Variants in LDLRAD3 observed in about 807,000 individuals in gnomAD.
LDLRAD3 encodes low-density lipoprotein receptor class A domain-containing protein 3.
In LDLRAD3, 20 loss-of-function variants were observed where a neutral mutation model predicts 29.4. That is an observed-to-expected ratio of 0.68 (90% CI 0.48 to 0.99). The LOEUF (loss-of-function observed/expected upper bound fraction) is 0.99, where lower values mean the gene tolerates loss of function less well. Ranked by LOEUF, LDLRAD3 falls within the 50% of genes least tolerant of loss-of-function variation. LDLRAD3 has a pLI of 0.00. For synonymous variants in LDLRAD3, 157 were observed against 192.7 expected (o/e 0.81, Z 1.53); for missense variants, 420 against 454.3 (o/e 0.92, Z 0.69).
At chr11:36,184,630 C>A (rs1400248249) in intron 4 of LDLRAD3, among the ~76,000 whole-genome samples, 1 of 152,156 alleles carries the variant, frequency 6.6e-6, no homozygotes, top group Admixed American at 6.5e-5. Flanking sequence ...CCATTTCAAA[C>A]CAAGTTTTTG....
At chr11:36,051,703 TA>T (rs1201737207) in intron 2 of LDLRAD3, among the ~76,000 whole-genome samples, 1 of 152,024 alleles carries the variant, frequency 6.6e-6, no homozygotes, top group East Asian at 1.9e-4. Flanking sequence ...TCGGAATGAA[TA>T]AAGGAGTACT....
At chr11:36,094,258 G>GC (rs1853325576) in intron 3 of LDLRAD3, among the ~76,000 whole-genome samples, 1 of 152,194 alleles carries the variant, frequency 6.6e-6, no homozygotes, top group African/African-American at 2.4e-5. Context: ...CTACAACACA[G>GC]CATCAGTTGA....
At chr11:36,000,874 C>T (rs1851815243) in intron 1 of LDLRAD3, among the ~76,000 whole-genome samples, 1 of 151,930 alleles carries the variant, frequency 6.6e-6, no homozygotes, top group Non-Finnish European at 1.5e-5. Context: ...GGGTTGAGAG[C>T]CAGAGGTGGG....
chr11:36,169,535 GA>G (rs899033300), intron 4 of LDLRAD3, among the ~76,000 whole-genome samples: 1 of 152,184 alleles, frequency 6.6e-6, no homozygotes, highest in African/African-American at 2.4e-5. Flanking sequence ...ATGTAAGTGA[GA>G]ACATGTAATA....
chr11:36,162,147 T>C (rs550976772), intron 4 of LDLRAD3, among the ~76,000 whole-genome samples: 1 of 152,334 alleles, frequency 6.6e-6, no homozygotes, highest in Admixed American at 6.5e-5. Flanking sequence ...GAACCAAATA[T>C]AAATTCCTGG....
At chr11:36,084,160 A>T (rs1436307954) in intron 3 of LDLRAD3, among the ~76,000 whole-genome samples, 1 of 152,180 alleles carries the variant, frequency 6.6e-6, no homozygotes, top group Admixed American at 6.5e-5. Context: ...CCTGGGCTCA[A>T]ACAATCCTCC....
chr11:36,048,387 C>T (rs979396860), intron 2 of LDLRAD3, among the ~76,000 whole-genome samples: 5 of 152,156 alleles, frequency 3.3e-5, no homozygotes, highest in African/African-American at 4.8e-5. Context: ...TTGACACCCC[C>T]ACCCCCTGCC....
chr11:35,945,255 G>A (rs896108438), intron 1 of LDLRAD3, among the ~76,000 whole-genome samples: 2 of 152,186 alleles, frequency 1.3e-5, no homozygotes, highest in Non-Finnish European at 2.9e-5. Flanking sequence ...TTGCTAAGTT[G>A]AGGCTCACTT....
chr11:35,956,334 C>G (rs1249084460), intron 1 of LDLRAD3, among the ~76,000 whole-genome samples: 1 of 152,100 alleles, frequency 6.6e-6, no homozygotes, highest in Non-Finnish European at 1.5e-5. Context: ...AAATAAAATT[C>G]AAAATAATTA....
At chr11:36,000,262 G>A (rs1851806911) in intron 1 of LDLRAD3, among the ~76,000 whole-genome samples, 1 of 148,678 alleles carries the variant, frequency 6.7e-6, no homozygotes, top group Non-Finnish European at 1.5e-5. Context: ...ACTATATAGT[G>A]TAATATATGT....
intron 4 of LDLRAD3, among the ~76,000 whole-genome samples, chr11:36,129,231 A>G (rs1219393031): frequency 6.6e-6 from 1 of 152,194 alleles, no homozygotes; most frequent in Non-Finnish European, 1.5e-5. Flanking sequence ...GAAGAACACT[A>G]TTAGCCCTTT....
chr11:36,037,802 G>A lies in LDLRAD3; in HGVS notation c.193+1553G>A, dbSNP rs919546951. Reference sequence around the variant, plus strand: ...TCCTGCCCTTCAGAGAAGTTTTTGGGATGGGAAAATTGGGGGTGTGTTATT... The same window carrying A: ...TCCTGCCCTTCAGAGAAGTTTTTGGAATGGGAAAATTGGGGGTGTGTTATT... On this transcript the variant is annotated intron_variant, in intron 2 of 5. Coordinates refer to ENST00000315571, the MANE Select transcript of LDLRAD3 (RefSeq NM_174902.4). Among the ~76,000 whole-genome samples the A allele has an allele frequency of 1.2e-4, 19 of 152,284 alleles. No individual in the cohort carries two copies. The South Asian group carries it at 1.5e-3, about 12-fold the overall frequency.
chr11:36,057,886 C>G (rs1363152123), intron 2 of LDLRAD3, among the ~76,000 whole-genome samples: 1 of 152,214 alleles, frequency 6.6e-6, no homozygotes, highest in East Asian at 1.9e-4. Context: ...GGTTCACATC[C>G]TGGCTCTGCC....
At chr11:36,153,817 C>G (rs967021015) in intron 4 of LDLRAD3, among the ~76,000 whole-genome samples, 1 of 152,024 alleles carries the variant, frequency 6.6e-6, no homozygotes. Context: ...CTCTAGCTTG[C>G]TTTGCTTGTT....
intron 4 of LDLRAD3, among the ~76,000 whole-genome samples, chr11:36,212,720 G>T (rs1289077165): frequency 1.3e-5 from 2 of 152,156 alleles, no homozygotes; most frequent in Non-Finnish European, 2.9e-5. Flanking sequence ...ATCAAATTCT[G>T]AGGGTGTACA....
chr11:36,053,989 A>C (rs574406711), intron 2 of LDLRAD3, among the ~76,000 whole-genome samples: 21 of 152,366 alleles, frequency 1.4e-4, no homozygotes, highest in Non-Finnish European at 2.8e-4. Flanking sequence ...ATTTCAGAAG[A>C]AAACATAAAC....
chr11:36,000,955 A>G (rs1340712510), intron 1 of LDLRAD3: 1 of 152,242 alleles, frequency 6.6e-6, no homozygotes, highest in Admixed American at 6.5e-5. Context: ...ATGTGTGGTT[A>G]GATTCTGCAG....
At chr11:36,097,055 T>C (rs944498121) in intron 3 of LDLRAD3, among the ~76,000 whole-genome samples, 6 of 152,220 alleles carry the variant, frequency 3.9e-5, no homozygotes, top group Non-Finnish European at 8.8e-5. Flanking sequence ...TGTTGTTAAG[T>C]AGCTTTGTGC....
At chr11:36,067,172 G>A (rs536498158) in intron 2 of LDLRAD3, among the ~76,000 whole-genome samples, 11 of 152,098 alleles carry the variant, frequency 7.2e-5, no homozygotes, top group African/African-American at 2.2e-4. Context: ...GCTTCCCCAG[G>A]CTGAGTGGGT....
Sources: gnomAD v4.1 joint callset for allele counts (sites outside exome capture counted in the v4.1 genomes callset) on GRCh38, gnomAD v4.1.1 for gene constraint, MANE v1.5 for transcripts, NCBI Gene and HGNC (gene_info 2026-07-23, HGNC 2026-07-21) for gene names.